LUZP2: variants seen among roughly 807,000 people sequenced by gnomAD.
LUZP2 encodes the protein leucine zipper protein 2.
LUZP2 carries 52 observed loss-of-function variants against 51.6 expected under a neutral mutation model. The ratio of observed to expected loss-of-function variants is 1.01; its 90% CI spans 0.81 to 1.27. The LOEUF (loss-of-function observed/expected upper bound fraction) is 1.27, where lower values mean the gene tolerates loss of function less well. Ranked by LOEUF, LUZP2 falls within the 50% of genes most tolerant of loss-of-function variation. The probability of loss-of-function intolerance (pLI) is 0.00; values close to 1 mark genes in which losing one functional copy is unlikely to be tolerated. For missense variants in LUZP2, 436 were observed against 395.4 expected, an observed-to-expected ratio of 1.10 and a Z score of -0.87; for synonymous variants, 154 against 137.3, an observed-to-expected ratio of 1.12 and a Z score of -0.85.
chr11:24,706,611 G>A (rs1292356599), intron 1 of LUZP2, among the ~76,000 whole-genome samples: 1 of 152,138 alleles, frequency 6.6e-6, no homozygotes, highest in African/African-American at 2.4e-5. Context: ...TAAAATGGCT[G>A]TCAGAATTGA....
At chr11:24,667,558 T>C (rs1446964926) in intron 1 of LUZP2, among the ~76,000 whole-genome samples, 2 of 152,162 alleles carry the variant, frequency 1.3e-5, no homozygotes, top group East Asian at 1.9e-4. Context: ...CTATGCACTC[T>C]GTGTAATGGG....
intron 9 of LUZP2, among the ~76,000 whole-genome samples, chr11:25,035,851 C>A (rs368833163): frequency 1.3e-5 from 2 of 152,080 alleles, no homozygotes; most frequent in South Asian, 2.1e-4. Context: ...TTTTTATCTG[C>A]TGCTGCACTC....
Position 24,611,417 on chromosome 11 carries a change from T to C in LUZP2, c.62+114112T>C, listed in dbSNP as rs1166610601. On this transcript the variant is annotated intron_variant, in intron 1 of 11. Coordinates refer to ENST00000336930, the MANE Select transcript of LUZP2 (RefSeq NM_001009909.4). The surrounding 1 kb of genome is among the most constrained non-coding windows in gnomAD (Gnocchi z 4.6). ...TATACATACATACAGCTATATAAGA[T>C]ATATTTTGCACACTAATAAAAGCAT... Among the ~76,000 whole-genome samples, 1 of 152,218 alleles carries C rather than the reference T, an allele frequency of 6.6e-6. No homozygotes were observed. The highest frequency in any genetic ancestry group is 1.5e-5 in the Non-Finnish European group (1 of 68,038).
At chr11:24,941,902 A>G (rs982664339) in intron 7 of LUZP2, among the ~76,000 whole-genome samples, 2 of 152,026 alleles carry the variant, frequency 1.3e-5, no homozygotes. Context: ...TAAAAAAAAA[A>G]CTGACCATGG....
chr11:24,770,211 T>G (rs1860356398), intron 5 of LUZP2, among the ~76,000 whole-genome samples: 1 of 152,184 alleles, frequency 6.6e-6, no homozygotes, highest in South Asian at 2.1e-4. Flanking sequence ...TCAGTTTGTC[T>G]GTAACGGTCT....
intron 9 of LUZP2, among the ~76,000 whole-genome samples, chr11:25,025,622 T>C (rs1159209411): frequency 2.6e-5 from 4 of 152,050 alleles, no homozygotes; most frequent in African/African-American, 9.7e-5. Context: ...AGAATGGCGA[T>C]CATTAAAAAG....
At chr11:24,659,352 A>G (rs1006806518) in intron 1 of LUZP2, among the ~76,000 whole-genome samples, 6 of 152,158 alleles carry the variant, frequency 3.9e-5, no homozygotes, top group Admixed American at 2.0e-4. Context: ...ATTCTCACTC[A>G]TAGGTGGGAA....
chr11:24,539,134 A>G (rs919714773), intron 1 of LUZP2, among the ~76,000 whole-genome samples: 4 of 151,836 alleles, frequency 2.6e-5, no homozygotes, highest in African/African-American at 7.2e-5. Flanking sequence ...TAAAATTTGC[A>G]CATATCTGCT....
intron 1 of LUZP2, among the ~76,000 whole-genome samples, chr11:24,523,269 C>A (rs375308131): frequency 6.6e-6 from 1 of 151,620 alleles, no homozygotes; most frequent in Admixed American, 6.6e-5. Context: ...ATTTGGGGCA[C>A]AAAGAAGTAG....
intron 5 of LUZP2, among the ~76,000 whole-genome samples, chr11:24,863,288 A>T (rs2134249325): frequency 6.6e-6 from 1 of 152,334 alleles, no homozygotes; most frequent in East Asian, 1.9e-4. Flanking sequence ...ATAGCCTAAA[A>T]GTGGAAGCAA....
intron 1 of LUZP2, among the ~76,000 whole-genome samples, chr11:24,532,659 T>C (rs1296571657): frequency 6.6e-6 from 1 of 151,012 alleles, no homozygotes; most frequent in Non-Finnish European, 1.5e-5. Context: ...ATAAATTGCT[T>C]AGAAGGCAAT....
At chr11:24,858,297 T>C (rs1026470546) in intron 5 of LUZP2, among the ~76,000 whole-genome samples, 5 of 152,126 alleles carry the variant, frequency 3.3e-5, no homozygotes, top group East Asian at 1.9e-4. Context: ...GAAAACATAA[T>C]TATTTTTCTG....
At chr11:24,967,797 A>T (rs960176846) in intron 7 of LUZP2, among the ~76,000 whole-genome samples, 18 of 152,180 alleles carry the variant, frequency 1.2e-4, no homozygotes, top group Middle Eastern at 3.4e-3. Context: ...TCCTATTTTT[A>T]ATAGCTGCCT....
chr11:24,560,994 T>C (rs1590181171), intron 1 of LUZP2, among the ~76,000 whole-genome samples: 2 of 152,090 alleles, frequency 1.3e-5, no homozygotes, highest in South Asian at 4.1e-4. Flanking sequence ...TAGAACTATC[T>C]GGAGTAGAGA....
At chr11:24,855,328 A>G (rs1478781806) in intron 5 of LUZP2, among the ~76,000 whole-genome samples, 2 of 152,112 alleles carry the variant, frequency 1.3e-5, no homozygotes, top group African/African-American at 4.8e-5. Context: ...CTATACACCA[A>G]TAACAAACAA....
At chr11:24,642,357 CTA>C (rs1855318996) in intron 1 of LUZP2, among the ~76,000 whole-genome samples, 1 of 151,594 alleles carries the variant, frequency 6.6e-6, no homozygotes, top group African/African-American at 2.4e-5. Context: ...CTATAAAACT[CTA>C]TGAGTTTTGA....
Position 25,077,404 on chromosome 11 carries a change from C to G in LUZP2, c.934C>G (p.Gln312Glu). ...NATAETEPIP[Q>E]KLQMPPCSEC... ...CACTGCAGAAACCGAGCCTATCCCA[C>G]AGGTATGTGTTTGTTTTATTTCGTT... is the stretch of plus-strand genomic sequence containing the variant. Residue 312 changes from glutamine to glutamate, a missense_variant and splice_region_variant, in exon 11 of 12, where the codon CAG becomes GAG. Transcript: ENST00000336930. 1 of 1,599,024 alleles carries G rather than the reference C, an allele frequency of 6.3e-7. No individual in the cohort carries two copies. Among genetic ancestry groups the G allele is most frequent in the African/African-American group, 1.3e-5 (1 of 74,802 alleles).
At chr11:24,939,935 C>T (rs1007897148) in intron 7 of LUZP2, among the ~76,000 whole-genome samples, 3 of 152,086 alleles carry the variant, frequency 2.0e-5, no homozygotes, top group African/African-American at 7.2e-5. Flanking sequence ...ATGACTTATC[C>T]TTGCAGCCAA....
chr11:24,845,540 G>A (rs1296302664), intron 5 of LUZP2, among the ~76,000 whole-genome samples: 1 of 152,098 alleles, frequency 6.6e-6, no homozygotes, highest in Non-Finnish European at 1.5e-5. Flanking sequence ...GGAGGGGCCA[G>A]AGGCAGAATG....
Sources: allele counts gnomAD v4.1 joint callset (sites outside exome capture counted in the v4.1 genomes callset), GRCh38; gene constraint gnomAD v4.1.1; non-coding constraint Gnocchi (gnomAD v3.1); transcripts MANE v1.5; gene names NCBI Gene and HGNC (gene_info 2026-07-23, HGNC 2026-07-21).